The following SHISA9 variants were observed in gnomAD, a reference collection of about 807,000 sequenced individuals.
The protein encoded by SHISA9 is shisa family member 9.
Under a neutral mutation model 38.0 loss-of-function variants are expected in SHISA9, and 13 were observed. The ratio of observed to expected loss-of-function variants is 0.34; its 90% CI spans 0.22 to 0.54. SHISA9 has a LOEUF of 0.54. Ranked by LOEUF, SHISA9 falls within the 20% of genes least tolerant of loss-of-function variation. The probability of loss-of-function intolerance (pLI) is 0.91; values close to 1 mark genes in which losing one functional copy is unlikely to be tolerated. For missense variants in SHISA9, 538 were observed against 575.8 expected (o/e 0.93, Z 0.67); for synonymous variants, 275 against 242.0 (o/e 1.14, Z -1.27).
chr16:12,962,242 G>T (rs912615698), intron 2 of SHISA9, among the ~76,000 whole-genome samples: 1 of 152,246 alleles, frequency 6.6e-6, no homozygotes, highest in Non-Finnish European at 1.5e-5. Flanking sequence ...CTGAGACTCA[G>T]AGTGGTTCAA....
chr16:12,971,188 T>G (rs1038682392), intron 2 of SHISA9, among the ~76,000 whole-genome samples: 1 of 152,148 alleles, frequency 6.6e-6, no homozygotes, highest in African/African-American at 2.4e-5. Context: ...GGGCAAATAT[T>G]TAAAAGGTGA....
chr16:12,989,599 A>C (rs916325357), intron 2 of SHISA9, among the ~76,000 whole-genome samples: 6 of 152,016 alleles, frequency 3.9e-5, no homozygotes, highest in African/African-American at 1.4e-4. Context: ...CTCCTGGCCC[A>C]GCCTGTTTTT....
chr16:13,388,278 A>G, the SHISA9 span, among the ~76,000 whole-genome samples: 1 of 151,988 alleles, frequency 6.6e-6, no homozygotes, highest in Non-Finnish European at 1.5e-5. Context: ...GAAGGGGGAA[A>G]TAGTGCAGTG....
intron 2 of SHISA9, among the ~76,000 whole-genome samples, chr16:13,187,336 T>TA (rs1194713899): frequency 2.6e-5 from 3 of 116,260 alleles, no homozygotes; most frequent in Admixed American, 8.5e-5. Context: ...TTCTTTTTTT[T>TA]TTTTTTTTTT....
At chr16:12,948,901 T>G (rs1181143326) in intron 2 of SHISA9, among the ~76,000 whole-genome samples, 3 of 152,234 alleles carry the variant, frequency 2.0e-5, no homozygotes, top group African/African-American at 7.2e-5. Flanking sequence ...AAACCAACAT[T>G]ATGCCATAAG....
chr16:13,260,254 G>A, the SHISA9 span, among the ~76,000 whole-genome samples: 12 of 151,966 alleles, frequency 7.9e-5, no homozygotes, highest in South Asian at 1.7e-3. Flanking sequence ...CTGACCTTGT[G>A]ATCTGCCTGC....
the SHISA9 span, among the ~76,000 whole-genome samples, chr16:13,385,150 C>T: frequency 6.6e-6 from 1 of 152,200 alleles, no homozygotes; most frequent in Non-Finnish European, 1.5e-5. Context: ...GTAGTGGCAA[C>T]ACCAAATGTT....
intron 2 of SHISA9, among the ~76,000 whole-genome samples, chr16:13,088,045 G>A (rs1238530143): frequency 3.3e-5 from 5 of 152,320 alleles, no homozygotes; most frequent in Non-Finnish European, 7.3e-5. Context: ...CATATGGCTA[G>A]CCAGTTTTCG....
the SHISA9 span, among the ~76,000 whole-genome samples, chr16:13,444,993 T>C: frequency 1.2e-4 from 1 of 8,570 alleles, no homozygotes; most frequent in African/African-American, 1.2e-3. Context: ...TATATATATA[T>C]ATATATATAT....
intron 2 of SHISA9, among the ~76,000 whole-genome samples, chr16:13,144,575 G>C (rs560076396): frequency 6.6e-6 from 1 of 152,220 alleles, no homozygotes; most frequent in Admixed American, 6.5e-5. Flanking sequence ...CATATTACGA[G>C]GTCGGGGAAA....
chr16:12,960,311 A>G (rs1302307711), intron 2 of SHISA9, among the ~76,000 whole-genome samples: 3 of 152,142 alleles, frequency 2.0e-5, no homozygotes, highest in African/African-American at 7.2e-5. Context: ...TTTAAGTTCC[A>G]GGGTACATGT....
chr16:13,336,370 T>C, the SHISA9 span, among the ~76,000 whole-genome samples: 4 of 152,204 alleles, frequency 2.6e-5, no homozygotes, highest in East Asian at 7.7e-4. Context: ...CTATTATGGA[T>C]CCAAGTCCTT....
intron 4 of SHISA9, among the ~76,000 whole-genome samples, chr16:13,224,444 G>T (rs1241109246): frequency 6.6e-6 from 1 of 152,212 alleles, no homozygotes; most frequent in Non-Finnish European, 1.5e-5. Flanking sequence ...CGGTGATACA[G>T]ACTGAATGAC....
chr16:13,037,097 C>G (rs2073079966), intron 2 of SHISA9, among the ~76,000 whole-genome samples: 7 of 76,300 alleles, frequency 9.2e-5, no homozygotes, highest in African/African-American at 3.0e-4. Context: ...ACCACACACA[C>G]ACACACACAC....
the SHISA9 span, among the ~76,000 whole-genome samples, chr16:13,400,476 G>A: frequency 2.2e-4 from 33 of 152,058 alleles, no homozygotes; most frequent in African/African-American, 7.0e-4. Flanking sequence ...AGGCCAAATC[G>A]TCTTACCATA....
At chr16:12,968,189 CAA>C (rs200194973) in intron 2 of SHISA9, among the ~76,000 whole-genome samples, 20 of 82,014 alleles carry the variant, frequency 2.4e-4, no homozygotes, top group African/African-American at 8.4e-4. Flanking sequence ...GGCTCCATCT[CAA>C]AAAAAAAAAA....
chr16:12,909,181 C>T, intron 1 of SHISA9: 1 of 985,776 alleles, frequency 1.0e-6, no homozygotes, highest in Non-Finnish European at 1.2e-6. Flanking sequence ...GTTGACTTCT[C>T]TTTGGGCACT....
At chr16:13,147,738 G>A (rs1299863789) in intron 2 of SHISA9, among the ~76,000 whole-genome samples, 2 of 152,168 alleles carry the variant, frequency 1.3e-5, no homozygotes, top group African/African-American at 4.8e-5. Flanking sequence ...TGGGACTATA[G>A]GCGTAAGCCA....
the SHISA9 span, among the ~76,000 whole-genome samples, chr16:13,352,594 C>T: frequency 2.0e-5 from 3 of 151,724 alleles, no homozygotes; most frequent in African/African-American, 4.8e-5. Flanking sequence ...CATGCGCGTC[C>T]GTGTGAAGAG....
Sources: allele counts gnomAD v4.1 joint callset (sites outside exome capture counted in the v4.1 genomes callset), GRCh38; gene constraint gnomAD v4.1.1; transcripts MANE v1.5; gene names NCBI Gene and HGNC (gene_info 2026-07-23, HGNC 2026-07-21).